The following CFAP54 variants were observed in gnomAD, a reference collection of about 807,000 sequenced individuals.
CFAP54 encodes the protein cilia- and flagella-associated protein 54.
Under a neutral mutation model 370.4 loss-of-function variants are expected in CFAP54, and 290 were observed. That is an observed-to-expected ratio of 0.78 (90% CI 0.71 to 0.86). CFAP54 has a LOEUF of 0.86. Ranked by LOEUF, CFAP54 falls within the 40% of genes least tolerant of loss-of-function variation. The pLI is 0.00. For missense variants in CFAP54, 3,399 were observed against 3,528.7 expected (o/e 0.96, Z 0.93); for synonymous variants, 1,206 against 1,236.5 (o/e 0.98, Z 0.52).
intron 32 of CFAP54, among the ~76,000 whole-genome samples, chr12:96,640,826 A>C (rs1956718278): frequency 6.6e-6 from 1 of 152,202 alleles, no homozygotes; most frequent in South Asian, 2.1e-4. Flanking sequence ...GCAATGGGGA[A>C]AGGATTCCCT....
At chr12:96,729,628 C>A (rs1957891994) in intron 50 of CFAP54, among the ~76,000 whole-genome samples, 1 of 152,238 alleles carries the variant, frequency 6.6e-6, no homozygotes, top group East Asian at 1.9e-4. Flanking sequence ...CTCCCTGACC[C>A]CTTGCGCTTC....
At chr12:96,758,752 G>T (rs535746503) in intron 58 of CFAP54, among the ~76,000 whole-genome samples, 2 of 152,294 alleles carry the variant, frequency 1.3e-5, no homozygotes, top group East Asian at 3.9e-4. Flanking sequence ...AGCTAGAGCA[G>T]TGCTTCCAAA....
At chr12:96,615,775 C>G (rs368911165) in intron 26 of CFAP54, among the ~76,000 whole-genome samples, 2 of 152,232 alleles carry the variant, frequency 1.3e-5, no homozygotes, top group East Asian at 3.8e-4. Context: ...CTCATCATCA[C>G]TGGCCATCAG....
At chr12:96,872,639 AT>A (rs1166349248) in intron 67 of CFAP54, among the ~76,000 whole-genome samples, 1 of 152,180 alleles carries the variant, frequency 6.6e-6, no homozygotes, top group Non-Finnish European at 1.5e-5. Context: ...GAGACATTTT[AT>A]TTTTTAACAT....
At chr12:96,555,876 T>A (rs1055349414) in intron 17 of CFAP54, among the ~76,000 whole-genome samples, 1 of 151,938 alleles carries the variant, frequency 6.6e-6, no homozygotes, top group Non-Finnish European at 1.5e-5. Context: ...CCAGTAGGAT[T>A]TTTTTGGGTA....
intron 4 of CFAP54, among the ~76,000 whole-genome samples, chr12:96,511,069 T>C (rs1955161140): frequency 6.6e-6 from 1 of 152,152 alleles, no homozygotes; most frequent in Non-Finnish European, 1.5e-5. Context: ...GAGTGGTTTC[T>C]TCCCCAGTGG....
chr12:96,683,398 G>T (rs1654263953), intron 40 of CFAP54, among the ~76,000 whole-genome samples: 1 of 152,188 alleles, frequency 6.6e-6, no homozygotes, highest in Non-Finnish European at 1.5e-5. Context: ...ATTAATCTTG[G>T]TAAAGTCCTG....
intron 27 of CFAP54, 45 bp downstream of exon 27, chr12:96,621,766 A>G (rs1009806188): frequency 5.0e-5 from 71 of 1,431,908 alleles, no homozygotes; most frequent in Non-Finnish European, 6.3e-5. Flanking sequence ...TTTAGTTTGC[A>G]TCTTTTAGGG....
At chr12:96,793,619 G>T (rs1958727448) in intron 63 of CFAP54, among the ~76,000 whole-genome samples, 2 of 152,002 alleles carry the variant, frequency 1.3e-5, no homozygotes, top group Admixed American at 6.6e-5. Flanking sequence ...TAATTCTTTA[G>T]GGAATTTCCA....
At chr12:96,615,670 AAAAT>A (rs948686966) in intron 26 of CFAP54, among the ~76,000 whole-genome samples, 38 of 152,358 alleles carry the variant, frequency 2.5e-4, no homozygotes, top group African/African-American at 8.7e-4. Flanking sequence ...TTACAAGAAA[AAAAT>A]AAACAACCCC....
chr12:96,858,222 T>C lies in CFAP54; in HGVS notation c.9172-2597T>C, dbSNP rs1279675869. ...GGTGTGAGATGGTATCTCATTGTGG[T>C]TTTGATTTGCATTTCTCTAATGATC... is the stretch of plus-strand genomic sequence containing the variant. On this transcript the variant is annotated intron_variant, in intron 66 of 67. Transcript: ENST00000524981. 4.6e-5 allele frequency among the ~76,000 whole-genome samples: 7 copies of C among 152,334 alleles called. No homozygotes were observed. The East Asian group carries it at 1.4e-3, about 29-fold the overall frequency.
intron 32 of CFAP54, among the ~76,000 whole-genome samples, chr12:96,631,661 C>T (rs1956609268): frequency 6.7e-6 from 1 of 149,416 alleles, no homozygotes; most frequent in Non-Finnish European, 1.5e-5. Flanking sequence ...CATAATACTA[C>T]ACATAAATAT....
At chr12:96,611,008 A>G (rs929343247) in intron 26 of CFAP54, among the ~76,000 whole-genome samples, 1 of 151,924 alleles carries the variant, frequency 6.6e-6, no homozygotes, top group Non-Finnish European at 1.5e-5. Flanking sequence ...GCAGACTTAA[A>G]TTTCCCTGTC....
chr12:96,525,188 T>C (rs977656015), intron 8 of CFAP54, among the ~76,000 whole-genome samples: 1 of 151,868 alleles, frequency 6.6e-6, no homozygotes, highest in East Asian at 1.9e-4. Flanking sequence ...TCAGTTTTCA[T>C]AAAATGGCTT....
At position 96,630,078 on chromosome 12, in the gene CFAP54, T is replaced by G. The variant is rs904272361; in HGVS notation, c.4104-15T>G. The G allele has an allele frequency of 7.4e-7, 1 of 1,347,026 alleles. No individual in the cohort carries two copies. The highest frequency in any genetic ancestry group is 2.7e-5 in the Admixed American group (1 of 37,284). The allele number at this position is 1,347,026 out of a possible 1,614,324, so 83.4% of individuals were successfully genotyped here. A position where few individuals can be genotyped will look rare whatever the true frequency, so the allele number is the denominator to read the frequency against. Reference sequence around the variant, plus strand: ...TTTTGCAGGTCTTTTTGACTGACTTTATCTTTTTTATTAGGAGAAATGAGT... The same window carrying G: ...TTTTGCAGGTCTTTTTGACTGACTTGATCTTTTTTATTAGGAGAAATGAGT... On this transcript the variant is annotated splice_polypyrimidine_tract_variant and intron_variant, in intron 30 of 67. Coordinates refer to ENST00000524981, the MANE Select transcript of CFAP54 (RefSeq NM_001306084.2).
In CFAP54 at chr12:96,771,354, A is replaced by G. The variant is rs185347430; in HGVS notation, c.8281+6136A>G. Among the ~76,000 whole-genome samples the G allele has an allele frequency of 1.7e-4, 26 of 152,366 alleles. No individual in the cohort carries two copies. The East Asian group carries it at 4.2e-3, about 25-fold the overall frequency. On this transcript the variant is annotated intron_variant, in intron 60 of 67. Transcript: ENST00000524981. Reference sequence around the variant, plus strand: ...TCAGGGAAACAGCACAAATGCCCACATTAAAACCCACTTTAGTCCCGGAAG... The same window carrying G: ...TCAGGGAAACAGCACAAATGCCCACGTTAAAACCCACTTTAGTCCCGGAAG...
intron 34 of CFAP54, among the ~76,000 whole-genome samples, chr12:96,648,976 T>C (rs1956829521): frequency 6.6e-6 from 1 of 152,168 alleles, no homozygotes; most frequent in Non-Finnish European, 1.5e-5. Context: ...GCAAAGATGA[T>C]GGAACCTGGA....
chr12:96,814,455 A>G (rs1184015809), intron 64 of CFAP54, among the ~76,000 whole-genome samples: 4 of 152,220 alleles, frequency 2.6e-5, no homozygotes, highest in East Asian at 1.9e-4. Flanking sequence ...GGAACCAAGC[A>G]TGACTCATCA....
rs375428195 is a variant in CFAP54, at chr12:96,720,452, C to A, written c.6852C>A (p.Ser2284=). The part of the protein sequence containing the change: ...EAEDRLNFLL[S]EVEQKTLSQC... The stretch of plus-strand genomic sequence containing the variant: ...AGGACAGGCTAAACTTCCTTCTGTC[C>A]GAGGTGGAACAGAAGACCCTGTCTC... Residue 2284 remains serine (S), a synonymous_variant, in exon 50 of 68, where the codon TCC becomes TCA. Coordinates refer to ENST00000524981, the MANE Select transcript of CFAP54 (RefSeq NM_001306084.2). 3 of 1,596,768 alleles carry A rather than the reference C, an allele frequency of 1.9e-6. No homozygotes were observed. The highest frequency in any genetic ancestry group is 2.6e-6 in the Non-Finnish European group (3 of 1,170,882).
Sources: gnomAD v4.1 joint callset for allele counts (sites outside exome capture counted in the v4.1 genomes callset) on GRCh38, gnomAD v4.1.1 for gene constraint, MANE v1.5 for transcripts, NCBI Gene and HGNC (gene_info 2026-07-23, HGNC 2026-07-21) for gene names.